ASRGL1: variants seen among roughly 807,000 people sequenced by gnomAD.
ASRGL1 encodes the protein isoaspartyl peptidase/L-asparaginase.
Under a neutral mutation model 22.4 loss-of-function variants are expected in ASRGL1, and 16 were observed. The ratio of observed to expected loss-of-function variants is 0.71; its 90% CI spans 0.48 to 1.08. ASRGL1 has a LOEUF of 1.08. Ranked by LOEUF, ASRGL1 falls within the 50% of genes least tolerant of loss-of-function variation. ASRGL1 has a pLI of 0.00. For missense variants in ASRGL1, 412 were observed against 410.1 expected (o/e 1.00, Z -0.04); for synonymous variants, 165 against 159.3 (o/e 1.04, Z -0.27).
chr11:62,398,923 C>A, the ASRGL1 span, among the ~76,000 whole-genome samples: 86 of 152,334 alleles, frequency 5.6e-4, no homozygotes, highest in Non-Finnish European at 2.4e-4. Flanking sequence ...AATCTCAGTT[C>A]TTTGGGAGGC....
chr11:62,358,153 C>G lies in ASRGL1; in HGVS notation c.491+1009C>G, dbSNP rs111404641. On this transcript the variant is annotated intron_variant, in intron 4 of 6. Coordinates refer to ENST00000415229, the MANE Select transcript of ASRGL1 (RefSeq NM_001083926.2). ...GGAGGCCGAGGCGGACGGATTGCCTCAGCTCAGGAGTTCAAGACCAGCCTA... is the reference window on the plus strand; with the variant it reads ...GGAGGCCGAGGCGGACGGATTGCCTGAGCTCAGGAGTTCAAGACCAGCCTA... Among the ~76,000 whole-genome samples, 1,518 of 152,194 alleles carry G rather than the reference C, an allele frequency of 1.0e-2. 30 individuals are homozygous for G. The highest frequency in any genetic ancestry group is 0.032 in the African/African-American group (1,329 of 41,540).
chr11:62,362,554 TATATTATTTATATAA>T (rs1565162005), intron 4 of ASRGL1, among the ~76,000 whole-genome samples: 3 of 11,304 alleles, frequency 2.7e-4, no homozygotes, highest in African/African-American at 4.0e-4. Context: ...ATATATAACA[TATATTATTTATATAA>T]TATATATTAT....
intron 2 of ASRGL1, among the ~76,000 whole-genome samples, chr11:62,345,652 C>T (rs1459517945): frequency 6.6e-6 from 1 of 152,144 alleles, no homozygotes; most frequent in Non-Finnish European, 1.5e-5. Flanking sequence ...CAAGGGTTAC[C>T]ATGACCCCCT....
At chr11:62,339,855 T>C (rs1315896812) in intron 2 of ASRGL1, among the ~76,000 whole-genome samples, 1 of 152,220 alleles carries the variant, frequency 6.6e-6, no homozygotes, top group African/African-American at 2.4e-5. Context: ...CCTGGAATTA[T>C]ACCACCCATC....
intron 2 of ASRGL1, among the ~76,000 whole-genome samples, chr11:62,339,648 T>C (rs892240274): frequency 6.6e-6 from 1 of 152,238 alleles, no homozygotes; most frequent in Non-Finnish European, 1.5e-5. Flanking sequence ...TAACTCATAA[T>C]GAACATTAAA....
intron 4 of ASRGL1, chr11:62,372,006 T>A: frequency 1.5e-6 from 1 of 669,216 alleles, no homozygotes. Flanking sequence ...TACGGCAATA[T>A]CCGTCAGAAT....
chr11:62,371,671 G>A, intron 4 of ASRGL1: 4 of 614,480 alleles, frequency 6.5e-6, no homozygotes, highest in South Asian at 5.5e-5. Context: ...GCCTAAACAA[G>A]GCCAGGAGTG....
intron 4 of ASRGL1, among the ~76,000 whole-genome samples, chr11:62,384,028 G>C (rs1306484115): frequency 7.3e-6 from 1 of 137,034 alleles, no homozygotes; most frequent in African/African-American, 2.7e-5. Context: ...GTGTGTGCAC[G>C]TGTGTGCGTG....
chr11:62,358,672 T>C (rs1045378883), intron 4 of ASRGL1, among the ~76,000 whole-genome samples: 2 of 152,220 alleles, frequency 1.3e-5, no homozygotes, highest in African/African-American at 4.8e-5. Context: ...AGGACCCCTT[T>C]GTCACTCAAC....
intron 4 of ASRGL1, chr11:62,371,434 T>G (rs1020204322): frequency 3.4e-6 from 2 of 581,992 alleles, no homozygotes; most frequent in South Asian, 2.0e-5. Context: ...ACTTGAGACG[T>G]GCTGTGTTTA....
intron 2 of ASRGL1, among the ~76,000 whole-genome samples, chr11:62,339,936 G>A (rs1052800088): frequency 6.6e-6 from 1 of 152,138 alleles, no homozygotes; most frequent in African/African-American, 2.4e-5. Context: ...TCCCCTTTAC[G>A]CAGCACTCTT....
chr11:62,386,624 G>A (rs1330777386), intron 4 of ASRGL1, among the ~76,000 whole-genome samples: 2 of 152,158 alleles, frequency 1.3e-5, no homozygotes, highest in Non-Finnish European at 1.5e-5. Context: ...TACACCTACT[G>A]CTGCTGTGAA....
chr11:62,345,419 C>T (rs986514530), intron 2 of ASRGL1, among the ~76,000 whole-genome samples: 1 of 152,116 alleles, frequency 6.6e-6, no homozygotes, highest in Non-Finnish European at 1.5e-5. Flanking sequence ...CAGGCGCCCA[C>T]CACCATGCCT....
Position 62,383,559 on chromosome 11 carries a change from C to T in ASRGL1, c.492-5574C>T, listed in dbSNP as rs1167744367. On this transcript the variant is annotated intron_variant, in intron 4 of 6. Coordinates refer to ENST00000415229, the MANE Select transcript of ASRGL1 (RefSeq NM_001083926.2). ...CGGAGCTTGCAGTGAGCCGAGATCC[C>T]GCCACTGCACTCCAGCCTGGGCGAC... Among the ~76,000 whole-genome samples the T allele has an allele frequency of 9.7e-4, 138 of 141,654 alleles. 1 individual carries two copies. Among genetic ancestry groups the T allele is most frequent in the African/African-American group, 3.2e-3 (122 of 37,624 alleles). 92.9% of individuals were successfully genotyped at this position (141,654 alleles called of 152,430 possible).
intron 2 of ASRGL1, among the ~76,000 whole-genome samples, chr11:62,344,285 A>G (rs1945954669): frequency 6.6e-6 from 1 of 152,102 alleles, no homozygotes; most frequent in South Asian, 2.1e-4. Context: ...AGAGTTGTTT[A>G]TATATTCTAG....
intron 2 of ASRGL1, among the ~76,000 whole-genome samples, chr11:62,351,686 G>T (rs2134593519): frequency 6.6e-6 from 1 of 152,024 alleles, no homozygotes; most frequent in South Asian, 2.1e-4. Flanking sequence ...GGTGGGGGTG[G>T]GGACAAGGTA....
At position 62,357,082 on chromosome 11, in the gene ASRGL1, A is replaced by G. The variant is rs752425276; in HGVS notation, c.429A>G (p.Arg143=). 8.1e-5 allele frequency: 130 copies of G among 1,614,010 alleles called. No homozygotes were observed. Among genetic ancestry groups the G allele is most frequent in the Non-Finnish European group, 1.1e-4 (129 of 1,180,034 alleles). Residue 143 remains arginine (R), a synonymous_variant, in exon 4 of 7, where the codon AGA becomes AGG. Coordinates refer to ENST00000415229, the MANE Select transcript of ASRGL1 (RefSeq NM_001083926.2). ...CTGGAGAAAAACTGGTGACAGAGAGAAACAAAAAGCGCCTGGAAAAAGAGA... is the reference window on the plus strand; with the variant it reads ...CTGGAGAAAAACTGGTGACAGAGAGGAACAAAAAGCGCCTGGAAAAAGAGA... ...EIPGEKLVTE[R]NKKRLEKEKH...
Position 62,339,929 on chromosome 11 carries a change from C to G in ASRGL1, c.190+1762C>G, listed in dbSNP as rs1252686678. Among the ~76,000 whole-genome samples the G allele has an allele frequency of 2.0e-5, 3 of 152,050 alleles. No homozygotes were observed. In the East Asian group the frequency reaches 5.8e-4, roughly 29 times the overall value. On this transcript the variant is annotated intron_variant, in intron 2 of 6. Coordinates refer to ENST00000415229, the MANE Select transcript of ASRGL1 (RefSeq NM_001083926.2). ...TCAAATATTTACTCTTGTTCTGTCCCCTTTACGCAGCACTCTTTAACACTT... is the reference window on the plus strand; with the variant it reads ...TCAAATATTTACTCTTGTTCTGTCCGCTTTACGCAGCACTCTTTAACACTT...
Position 62,367,603 on chromosome 11 carries a change from C to A in ASRGL1, c.491+10459C>A, listed in dbSNP as rs548532313. On this transcript the variant is annotated intron_variant, in intron 4 of 6. Transcript: ENST00000415229. ...AGGTTGCGGTGAGCTGAGATCACAC[C>A]ATTGCACTCCAGCCTGGGCAACAAG... Among the ~76,000 whole-genome samples the A allele has an allele frequency of 1.3e-3, 204 of 151,740 alleles. 2 individuals carry two copies. The highest frequency in any genetic ancestry group is 1.5e-3 in the Non-Finnish European group (105 of 67,972).
Sources: allele counts gnomAD v4.1 joint callset (sites outside exome capture counted in the v4.1 genomes callset), GRCh38; gene constraint gnomAD v4.1.1; transcripts MANE v1.5; gene names NCBI Gene and HGNC (gene_info 2026-07-23, HGNC 2026-07-21).